Variants in RBMS3 observed in about 807,000 individuals in gnomAD.
RBMS3 encodes the protein RNA-binding motif, single-stranded-interacting protein 3.
Under a neutral mutation model 66.8 loss-of-function variants are expected in RBMS3, and 27 were observed. That is an observed-to-expected ratio of 0.40 (90% CI 0.30 to 0.56). The LOEUF is 0.56. Among genes scored for constraint, RBMS3 ranks in the 20% least tolerant of loss-of-function variants. RBMS3 has a pLI of 0.40. For synonymous variants in RBMS3, 188 were observed against 183.0 expected, an observed-to-expected ratio of 1.03 and a Z score of -0.22; for missense variants, 513 against 549.5, an observed-to-expected ratio of 0.93 and a Z score of 0.66.
At chr3:29,692,546 T>A (rs1181570547) in intron 4 of RBMS3, among the ~76,000 whole-genome samples, 2 of 152,208 alleles carry the variant, frequency 1.3e-5, no homozygotes, top group African/African-American at 2.4e-5. Context: ...CAAGATTTTC[T>A]TGTAAACGTT....
At chr3:29,553,808 T>TAAAAAA (rs10634860) in intron 3 of RBMS3, among the ~76,000 whole-genome samples, 27 of 142,290 alleles carry the variant, frequency 1.9e-4, no homozygotes, top group African/African-American at 5.5e-4. Context: ...ACTGGCTAAT[T>TAAAAAA]AAAAAAAAAA....
chr3:29,490,191 T>C (rs1490718890), intron 3 of RBMS3, among the ~76,000 whole-genome samples: 5 of 146,642 alleles, frequency 3.4e-5, no homozygotes, highest in Admixed American at 6.8e-5. Context: ...ATTTAAAATT[T>C]TGAGCAGACA....
At chr3:29,409,753 T>C (rs959545979) in intron 1 of RBMS3, among the ~76,000 whole-genome samples, 7 of 152,200 alleles carry the variant, frequency 4.6e-5, no homozygotes, top group African/African-American at 1.2e-4. Flanking sequence ...TTATGGAAGA[T>C]GTGGTTCACT....
rs192609291 is a variant in RBMS3 at position 29,491,244 on chromosome 3, A to G, written c.307+2745A>G. On this transcript the variant is annotated intron_variant, in intron 3 of 14. Coordinates refer to ENST00000383767, the MANE Select transcript of RBMS3 (RefSeq NM_001003793.3). ...ATCCTTATCCTTACATCAGCTCCTA[A>G]AATCCCTATCCACGCTATTTTGCAA... Among the ~76,000 whole-genome samples, 11 of 152,268 alleles carry G rather than the reference A, an allele frequency of 7.2e-5. No individual in the cohort carries two copies. In the East Asian group the frequency reaches 1.7e-3, roughly 24 times the overall value.
chr3:29,729,105 G>GT (rs905749623), intron 4 of RBMS3, among the ~76,000 whole-genome samples: 11 of 151,840 alleles, frequency 7.2e-5, no homozygotes, highest in African/African-American at 2.2e-4. Flanking sequence ...TTTACATTAG[G>GT]TATTTCTCCT....
At chr3:29,467,337 C>G (rs1342311889) in intron 2 of RBMS3, among the ~76,000 whole-genome samples, 1 of 152,142 alleles carries the variant, frequency 6.6e-6, no homozygotes, top group Non-Finnish European at 1.5e-5. Flanking sequence ...GAAAAGTTAT[C>G]TTGACTCTTA....
At chr3:29,513,584 G>A (rs1162576825) in intron 3 of RBMS3, among the ~76,000 whole-genome samples, 1 of 151,984 alleles carries the variant, frequency 6.6e-6, no homozygotes, top group African/African-American at 2.4e-5. Context: ...TTTTCACATG[G>A]GTGACTGATC....
chr3:29,625,712 A>ATAAT (rs1360593370), intron 4 of RBMS3, among the ~76,000 whole-genome samples: 1 of 128,214 alleles, frequency 7.8e-6, no homozygotes, highest in African/African-American at 3.3e-5. Flanking sequence ...AAATAAATAA[A>ATAAT]TAAATAAATA....
At chr3:29,506,256 A>G (rs527888121) in intron 3 of RBMS3, among the ~76,000 whole-genome samples, 1 of 151,998 alleles carries the variant, frequency 6.6e-6, no homozygotes. Flanking sequence ...CATTCCTTCT[A>G]TACCTAATTT....
At chr3:29,379,797 A>G (rs2125620972) in intron 1 of RBMS3, among the ~76,000 whole-genome samples, 1 of 152,342 alleles carries the variant, frequency 6.6e-6, no homozygotes, top group Non-Finnish European at 1.5e-5. Context: ...ATCAGCGAAG[A>G]CGACAGGTGC....
chr3:29,310,050 G>A (rs150314063), intron 1 of RBMS3, among the ~76,000 whole-genome samples: 74 of 151,762 alleles, frequency 4.9e-4, no homozygotes, highest in African/African-American at 1.7e-3. Context: ...AATAGGAGAT[G>A]TGAGAACGTG....
chr3:29,331,096 C>A (rs540379730), intron 1 of RBMS3, among the ~76,000 whole-genome samples: 1 of 152,208 alleles, frequency 6.6e-6, no homozygotes, highest in African/African-American at 2.4e-5. Context: ...TCCCAGAAAC[C>A]GAATTGATTA....
At position 30,009,291 on chromosome 3, in the gene RBMS3, T is replaced by C. The variant is rs1195263454; in HGVS notation, c.*5429T>C. 1 of 152,114 alleles carries C rather than the reference T, an allele frequency of 6.6e-6. No homozygotes were observed. The highest frequency in any genetic ancestry group is 1.5e-5 in the Non-Finnish European group (1 of 67,972). The allele number at this position is 152,114 out of a possible 1,614,324, so 9.4% of individuals were successfully genotyped here. ...GTGTAGGGCTTGGGCTCTGTTTCCT[T>C]TTATTAGCATGTCACCTGAGGGTGG... On this transcript the variant is annotated 3_prime_UTR_variant, in exon 15 of 15. Transcript: ENST00000383767.
intron 1 of RBMS3, among the ~76,000 whole-genome samples, chr3:29,326,773 C>CA (rs2035362406): frequency 6.6e-6 from 1 of 151,428 alleles, no homozygotes; most frequent in African/African-American, 2.4e-5. Context: ...GCTGTGTCGC[C>CA]AGGCTGGAGT....
intron 6 of RBMS3, among the ~76,000 whole-genome samples, chr3:29,836,337 G>A (rs1000975314): frequency 2.6e-5 from 4 of 151,936 alleles, no homozygotes; most frequent in Non-Finnish European, 5.9e-5. Flanking sequence ...CAATATCTCT[G>A]ATAAACATAG....
chr3:29,592,950 T>C (rs950977447), intron 4 of RBMS3, among the ~76,000 whole-genome samples: 5 of 134,396 alleles, frequency 3.7e-5, no homozygotes, highest in East Asian at 2.3e-4. Flanking sequence ...TAGGTGGGAA[T>C]TGAACAATGA....
chr3:29,420,433 A>G (rs1037505123), intron 1 of RBMS3, among the ~76,000 whole-genome samples: 2 of 152,090 alleles, frequency 1.3e-5, no homozygotes, highest in Admixed American at 6.5e-5. Context: ...TCACATCCTG[A>G]TGGGATTTGG....
intron 4 of RBMS3, among the ~76,000 whole-genome samples, chr3:29,692,559 A>C (rs1278390567): frequency 6.6e-6 from 1 of 152,206 alleles, no homozygotes; most frequent in African/African-American, 2.4e-5. Context: ...TAAACGTTAC[A>C]TTAAGAGACT....
intron 4 of RBMS3, among the ~76,000 whole-genome samples, chr3:29,714,139 C>T (rs1406705216): frequency 7.1e-6 from 1 of 140,518 alleles, no homozygotes; most frequent in East Asian, 2.0e-4. Flanking sequence ...AGGATCTCTT[C>T]TAGGGGCTGG....
Sources: allele counts gnomAD v4.1 joint callset (sites outside exome capture counted in the v4.1 genomes callset), GRCh38; gene constraint gnomAD v4.1.1; transcripts MANE v1.5; gene names NCBI Gene and HGNC (gene_info 2026-07-23, HGNC 2026-07-21).